The following GTF3C2 variants were observed in gnomAD, a reference collection of about 807,000 sequenced individuals.
GTF3C2 encodes the protein general transcription factor IIIC subunit 2.
GTF3C2 carries 17 observed loss-of-function variants against 117.4 expected under a neutral mutation model. That is an observed-to-expected ratio of 0.14 (90% confidence interval 0.10 to 0.22). The LOEUF (loss-of-function observed/expected upper bound fraction) is 0.22, where lower values mean the gene tolerates loss of function less well. GTF3C2 is among the 10% of genes least tolerant of loss of function. The pLI is 1.00. For synonymous variants in GTF3C2, 437 were observed against 427.0 expected (o/e 1.02, Z -0.29); for missense variants, 888 against 1,143.6 (o/e 0.78, Z 3.22).
chr2:27,327,610 C>T (rs1018472063), intron 17 of GTF3C2, among the ~76,000 whole-genome samples: 1 of 149,596 alleles, frequency 6.7e-6, no homozygotes, highest in African/African-American at 2.5e-5. Flanking sequence ...AGGTGTGAGC[C>T]ACTACGCCTG....
At chr2:27,343,337 T>C (rs1477407900) in exon 2 of GTF3C2, 1 of 1,613,974 alleles carries the variant, frequency 6.2e-7, no homozygotes, top group Non-Finnish European at 8.5e-7. Context: ...GAGGCTTTCC[T>C]GCTCTGGAGG....
intron 18 of GTF3C2, 119 bp from the exon 19 acceptor site, chr2:27,327,012 G>A (rs538518287): frequency 1.4e-6 from 1 of 709,486 alleles, no homozygotes; most frequent in East Asian, 2.7e-5. Flanking sequence ...GACCATGAGG[G>A]GTGACAGAGG....
In GTF3C2 at chr2:27,343,349, A is replaced by C. The variant is rs768281681; in HGVS notation, c.206T>G (p.Leu69Arg). 5.0e-6 allele frequency: 8 copies of C among 1,613,878 alleles called. No individual in the cohort carries two copies. In the African/African-American group the frequency reaches 1.1e-4, roughly 22 times the overall value. ...GGAGAGGCTTTCCTGCTCTGGAGGG[A>C]GCCTCCTCTGATCAGGAGAATCCTC... Residue 69 changes from leucine (L) to arginine (R), a missense_variant, in exon 2 of 19, where the codon CTC becomes CGC. Around this residue, in one of 7 missense-constraint regions of GTF3C2, gnomAD observed 393 missense variants for 401.5 expected, o/e 0.98. Coordinates refer to ENST00000264720, the Ensembl canonical transcript of GTF3C2.
chr2:27,356,054 A>T (rs2148356195), intron 1 of GTF3C2: 1 of 1,256,268 alleles, frequency 8.0e-7, no homozygotes, highest in Non-Finnish European at 1.0e-6. Context: ...TTAAAATTGT[A>T]TATGCCTCTG....
At chr2:27,341,499 T>C (rs1251891341) in intron 4 of GTF3C2, 1 of 163,908 alleles carries the variant, frequency 6.1e-6, no homozygotes, top group Non-Finnish European at 1.3e-5. Flanking sequence ...CCAGGCTCTA[T>C]GCTCCAGCCA....
At chr2:27,326,949 A>G in intron 18 of GTF3C2, 56 bp from the exon 19 acceptor site, 1 of 1,152,606 alleles carries the variant, frequency 8.7e-7, no homozygotes, top group Non-Finnish European at 1.3e-6. Context: ...CTTTAGGGTG[A>G]CTCCTAGCTG....
chr2:27,329,591 C>T lies in GTF3C2; in HGVS notation c.1733-68G>A. On this transcript the variant is annotated intron_variant, in intron 12 of 18. Coordinates refer to ENST00000264720, the Ensembl canonical transcript of GTF3C2. The surrounding 1 kb of genome is among the most constrained non-coding windows in gnomAD (Gnocchi z 4.5). ...CTCTTCCTTGCTCTAATTTCTTTCT[C>T]TGGGCTCCTAGGACCTTTGTCTTCT... The T allele has an allele frequency of 6.6e-7, 1 of 1,510,610 alleles. No homozygotes were observed. Among genetic ancestry groups the T allele is most frequent in the Admixed American group, 1.7e-5 (1 of 57,352 alleles). 93.6% of individuals were successfully genotyped at this position (1,510,610 alleles called of 1,614,324 possible).
At chr2:27,346,020 T>G (rs985634664) in intron 1 of GTF3C2, among the ~76,000 whole-genome samples, 10 of 137,224 alleles carry the variant, frequency 7.3e-5, no homozygotes, top group Middle Eastern at 3.9e-3. Context: ...CCGCCACTTT[T>G]TTTTTTTTTT....
At chr2:27,356,025 G>C in intron 1 of GTF3C2, 1 of 1,043,772 alleles carries the variant, frequency 9.6e-7, no homozygotes. Flanking sequence ...TGCAAAAATA[G>C]TGATGGCACG....
intron 3 of GTF3C2, 68 bp from the exon 4 acceptor site, chr2:27,342,301 T>A: frequency 7.5e-7 from 1 of 1,329,692 alleles, no homozygotes; most frequent in South Asian, 1.4e-5. Flanking sequence ...CAGACATGGT[T>A]GATTTTTATC....
intron 1 of GTF3C2, among the ~76,000 whole-genome samples, chr2:27,353,401 G>C (rs2148346556): frequency 6.7e-6 from 1 of 150,162 alleles, no homozygotes; most frequent in Non-Finnish European, 1.5e-5. Flanking sequence ...AAAAAAAGGA[G>C]CAAACAACCA....
chr2:27,330,419 G>A (rs987551162), intron 12 of GTF3C2, among the ~76,000 whole-genome samples: 1 of 151,560 alleles, frequency 6.6e-6, no homozygotes, highest in Non-Finnish European at 1.5e-5. Context: ...CCGAGATCAC[G>A]CCAGTGCACT....
chr2:27,336,590 C>G (rs1380038273), intron 7 of GTF3C2, 165 bp from the exon 8 acceptor site: 1 of 586,950 alleles, frequency 1.7e-6, no homozygotes, highest in East Asian at 2.8e-5. Context: ...CTTGTATCTT[C>G]CTCCTTTCCT....
Position 27,328,601 on chromosome 2 carries a change from TAGAA to T in GTF3C2, c.2128-9_2128-6del, listed in dbSNP as rs774157379. 9 of 1,607,994 alleles carry T rather than the reference TAGAA, an allele frequency of 5.6e-6. No individual in the cohort carries two copies. Among genetic ancestry groups the T allele is most frequent in the Admixed American group, 1.7e-5 (1 of 59,906 alleles). On this transcript the variant is annotated splice_polypyrimidine_tract_variant and splice_region_variant and intron_variant, in intron 15 of 18. Transcript: ENST00000264720. ...CCAGTCGGATCCTGAAAGACTCTAA[TAGAA>T]AGAGACAGATTTCATTCATTCATAT...
rs777307475 is a variant in GTF3C2, at chr2:27,341,938, T to C, written c.855+10A>G. The C allele has an allele frequency of 2.0e-5, 32 of 1,610,748 alleles. No homozygotes were observed. Among genetic ancestry groups the C allele is most frequent in the Admixed American group, 3.3e-5 (2 of 59,890 alleles). On this transcript the variant is annotated intron_variant, in intron 4 of 18. Transcript: ENST00000264720. Reference sequence around the variant, plus strand: ...ATGTCCCCATTCACTTTCTTGTCCATTGAGGTTACCCCTGAAGTAGATCCT... The same window carrying C: ...ATGTCCCCATTCACTTTCTTGTCCACTGAGGTTACCCCTGAAGTAGATCCT...
chr2:27,329,656 C>T lies in GTF3C2; in HGVS notation c.1733-133G>A. 1.3e-6 allele frequency: 1 copy of T among 788,070 alleles called. No homozygotes were observed. Among genetic ancestry groups the T allele is most frequent in the Non-Finnish European group, 2.1e-6 (1 of 487,196 alleles). The allele number at this position is 788,070 out of a possible 1,614,324, so 48.8% of individuals were successfully genotyped here. A position where few individuals can be genotyped will look rare whatever the true frequency, so the allele number is the denominator to read the frequency against. On this transcript the variant is annotated intron_variant, in intron 12 of 18. Coordinates refer to ENST00000264720, the Ensembl canonical transcript of GTF3C2. The surrounding 1 kb of genome is among the most constrained non-coding windows in gnomAD (Gnocchi z 4.5). ...ACCACTATGAAAGGATGTGGGGATC[C>T]TGATTAGCTATCCAACACTCCCTCC...
At chr2:27,350,257 T>G (rs1008566315) in intron 1 of GTF3C2, 2 of 186,314 alleles carry the variant, frequency 1.1e-5, no homozygotes, top group Admixed American at 1.3e-4. Flanking sequence ...AACTGCAGCA[T>G]CAGTATCACC....
chr2:27,356,447 G>C (rs749284538), intron 1 of GTF3C2: 4 of 254,490 alleles, frequency 1.6e-5, no homozygotes, highest in Non-Finnish European at 3.3e-5. Context: ...TTCGAGGGAC[G>C]CTACGTATGC....
exon 18 of GTF3C2, chr2:27,327,201 C>G (rs776444108): frequency 6.3e-7 from 1 of 1,596,478 alleles, no homozygotes; most frequent in South Asian, 1.1e-5. Context: ...CCAGCTGCAG[C>G]CTGTCCAGGC....
Sources: gnomAD v4.1 joint callset for allele counts (sites outside exome capture counted in the v4.1 genomes callset) on GRCh38, gnomAD v4.1.1 for gene constraint, gnomAD v4.1.1 regional missense constraint, Gnocchi (gnomAD v3.1) non-coding constraint, MANE v1.5 for transcripts, NCBI Gene and HGNC (gene_info 2026-07-23, HGNC 2026-07-21) for gene names.